DPP8: variants seen among roughly 807,000 people sequenced by gnomAD.
DPP8 encodes the protein DPP VIII.
Under a neutral mutation model 107.5 loss-of-function variants are expected in DPP8, and 31 were observed. The observed-to-expected ratio is 0.29, with a 90% CI of 0.22 to 0.39. DPP8 has a LOEUF of 0.39. Among genes scored for constraint, DPP8 ranks in the 10% least tolerant of loss-of-function variants. The pLI is 1.00. For synonymous variants in DPP8, 381 were observed against 356.6 expected (o/e 1.07, Z -0.77); for missense variants, 842 against 1,076.1 (o/e 0.78, Z 3.04).
intron 1 of DPP8, among the ~76,000 whole-genome samples, chr15:65,513,700 G>A (rs142974770): frequency 8.0e-4 from 120 of 150,894 alleles, no homozygotes; most frequent in Middle Eastern, 6.8e-3. Flanking sequence ...GGGGTTTACC[G>A]GTTCAACCCC....
At chr15:65,502,304 G>GA (rs11320643) in intron 3 of DPP8, among the ~76,000 whole-genome samples, 4 of 147,268 alleles carry the variant, frequency 2.7e-5, no homozygotes, top group Non-Finnish European at 3.0e-5. Flanking sequence ...TTGCTAAATG[G>GA]AAAAAAAAAA....
At chr15:65,450,465 A>G (rs1200216979) in intron 19 of DPP8, among the ~76,000 whole-genome samples, 1 of 152,212 alleles carries the variant, frequency 6.6e-6, no homozygotes, top group Non-Finnish European at 1.5e-5. Flanking sequence ...AAAAGGAAAA[A>G]GTAATTTTTT....
At chr15:65,495,510 A>T (rs1172392284) in intron 5 of DPP8, among the ~76,000 whole-genome samples, 1 of 152,000 alleles carries the variant, frequency 6.6e-6, no homozygotes, top group Non-Finnish European at 1.5e-5. Flanking sequence ...AGGCTGAGGG[A>T]TGAGAATCAC....
At chr15:65,507,754 A>G (rs2070245720) in intron 2 of DPP8, among the ~76,000 whole-genome samples, 2 of 152,146 alleles carry the variant, frequency 1.3e-5, no homozygotes, top group Admixed American at 1.3e-4. Context: ...AATAAATATA[A>G]AAGTATGTAA....
At chr15:65,455,326 G>A (rs946724423) in intron 16 of DPP8, 3 of 158,044 alleles carry the variant, frequency 1.9e-5, no homozygotes, top group African/African-American at 7.2e-5. Context: ...TAGAGGTGGG[G>A]TCTCATTATG....
intron 2 of DPP8, among the ~76,000 whole-genome samples, chr15:65,511,059 T>C (rs149151351): frequency 3.4e-4 from 52 of 152,292 alleles, no homozygotes; most frequent in African/African-American, 1.2e-3. Context: ...GTAATATCAA[T>C]CAAAATTCAA....
intron 19 of DPP8, among the ~76,000 whole-genome samples, chr15:65,447,809 T>C (rs910828237): frequency 3.3e-5 from 5 of 152,198 alleles, no homozygotes; most frequent in African/African-American, 9.7e-5. Flanking sequence ...ATCTGGGCTT[T>C]TGAGTTAGAA....
chr15:65,460,490 T>C (rs1430999005), intron 15 of DPP8, among the ~76,000 whole-genome samples: 1 of 152,014 alleles, frequency 6.6e-6, no homozygotes, highest in Non-Finnish European at 1.5e-5. Context: ...CCCATCCTCC[T>C]TCCATCCAGT....
chr15:65,466,907 T>A (rs2065409023), intron 13 of DPP8, 94 bp from the exon 14 acceptor site: 2 of 1,418,070 alleles, frequency 1.4e-6, no homozygotes, highest in East Asian at 2.3e-5. Flanking sequence ...AAGAGTATTA[T>A]AAGAGACTAT....
chr15:65,513,196 T>C (rs2071018731), intron 1 of DPP8, among the ~76,000 whole-genome samples: 1 of 151,600 alleles, frequency 6.6e-6, no homozygotes, highest in Non-Finnish European at 1.5e-5. Context: ...ATCACTATCA[T>C]GATCATTTGT....
At chr15:65,475,593 A>G in intron 11 of DPP8, 1 of 1,098,984 alleles carries the variant, frequency 9.1e-7, no homozygotes. Context: ...GGCACTTCTG[A>G]GGTAGCCATA....
At chr15:65,471,125 C>T (rs1437030475) in intron 12 of DPP8, among the ~76,000 whole-genome samples, 1 of 152,132 alleles carries the variant, frequency 6.6e-6, no homozygotes, top group Non-Finnish European at 1.5e-5. Context: ...CATCACATAG[C>T]ACGAAATTTA....
chr15:65,461,584 CT>C (rs987838756), intron 15 of DPP8, among the ~76,000 whole-genome samples: 3 of 143,666 alleles, frequency 2.1e-5, no homozygotes, highest in African/African-American at 7.5e-5. Context: ...TATGATTTTT[CT>C]CTTGAGTTGC....
At position 65,517,488 on chromosome 15, in the gene DPP8, T is replaced by TC. The variant is rs376280875; in HGVS notation, c.-15dup. The TC allele has an allele frequency of 6.6e-6, 1 of 152,546 alleles. No homozygotes were observed. Among genetic ancestry groups the TC allele is most frequent in the Non-Finnish European group, 1.5e-5 (1 of 68,280 alleles). 9.4% of individuals were successfully genotyped at this position (152,546 alleles called of 1,614,324 possible). A position where few individuals can be genotyped will look rare whatever the true frequency, so the allele number is the denominator to read the frequency against. Reference sequence around the variant, plus strand: ...GGAGAAGGGGGCGGATACTGCACCTTCCCCCCGGCCCCGCCCGGACCGTCC... The same window carrying TC: ...GGAGAAGGGGGCGGATACTGCACCTTCCCCCCCGGCCCCGCCCGGACCGTCC... On this transcript the variant is annotated 5_prime_UTR_variant, in exon 1 of 20. Coordinates refer to ENST00000300141, the MANE Select transcript of DPP8 (RefSeq NM_130434.5).
Position 65,444,291 on chromosome 15 carries a change from G to C in DPP8, c.*2593C>G, listed in dbSNP as rs1161759293. 1 of 152,298 alleles carries C rather than the reference G, an allele frequency of 6.6e-6. No homozygotes were observed. The highest frequency in any genetic ancestry group is 2.4e-5 in the African/African-American group (1 of 41,564). 9.4% of individuals were successfully genotyped at this position (152,298 alleles called of 1,614,324 possible). On this transcript the variant is annotated 3_prime_UTR_variant, in exon 20 of 20. Coordinates refer to ENST00000300141, the MANE Select transcript of DPP8 (RefSeq NM_130434.5). ...TTAGAAGTATCCCAGATGAATCTTA[G>C]ATTTTGAGTTCCACTACTCTGTAAT... is the stretch of plus-strand genomic sequence containing the variant.
rs531086839 is a variant in DPP8, at chr15:65,474,756, T to C, written c.1457-468A>G. 3.3e-5 allele frequency among the ~76,000 whole-genome samples: 5 copies of C among 152,368 alleles called. No homozygotes were observed. In the East Asian group the frequency reaches 9.6e-4, roughly 29 times the overall value. On this transcript the variant is annotated intron_variant, in intron 11 of 19. Coordinates refer to ENST00000300141, the MANE Select transcript of DPP8 (RefSeq NM_130434.5). The stretch of plus-strand genomic sequence containing the variant: ...AGTGCTGGGATTACAGGCATGGGCC[T>C]GAATTGTTTATTTTTAAATGGTTAA...
chr15:65,448,181 T>C, intron 19 of DPP8, among the ~76,000 whole-genome samples: 1 of 151,810 alleles, frequency 6.6e-6, no homozygotes, highest in Non-Finnish European at 1.5e-5. Context: ...CCCCAGGAGT[T>C]TGAAACGAGC....
At chr15:65,472,926 T>G (rs946249391) in intron 12 of DPP8, among the ~76,000 whole-genome samples, 2 of 152,036 alleles carry the variant, frequency 1.3e-5, no homozygotes, top group African/African-American at 4.8e-5. Context: ...TAGTCTCAGC[T>G]ACCTGGGAGG....
intron 19 of DPP8, among the ~76,000 whole-genome samples, chr15:65,448,532 C>A (rs562905610): frequency 6.6e-6 from 1 of 150,850 alleles, no homozygotes; most frequent in African/African-American, 2.4e-5. Context: ...ATTAGCCAGG[C>A]GTGGTGGCGG....
Sources: allele counts gnomAD v4.1 joint callset (sites outside exome capture counted in the v4.1 genomes callset), GRCh38; gene constraint gnomAD v4.1.1; transcripts MANE v1.5; gene names NCBI Gene and HGNC (gene_info 2026-07-23, HGNC 2026-07-21).